Variants in PIP5K1B observed in about 807,000 individuals in gnomAD.
PIP5K1B encodes the protein phosphatidylinositol 4-phosphate 5-kinase type-1 beta.
A neutral mutation model predicts 67.0 loss-of-function variants in PIP5K1B; 42 were observed. That is an observed-to-expected ratio of 0.63 (90% CI 0.49 to 0.81). PIP5K1B has a LOEUF of 0.81. PIP5K1B is among the 30% of genes least tolerant of loss of function. The probability of loss-of-function intolerance (pLI) is 0.00; values close to 1 mark genes in which losing one functional copy is unlikely to be tolerated. For synonymous variants in PIP5K1B, 214 were observed against 231.4 expected (o/e 0.92, Z 0.68); for missense variants, 459 against 646.3 (o/e 0.71, Z 3.14).
At chr9:68,729,391 G>A (rs1446571354) in intron 1 of PIP5K1B, among the ~76,000 whole-genome samples, 4 of 151,956 alleles carry the variant, frequency 2.6e-5, no homozygotes, top group Non-Finnish European at 5.9e-5. Context: ...AGCATATCTT[G>A]GTTCATTTCT....
chr9:68,823,220 TTAGAAG>T (rs1833816084), intron 4 of PIP5K1B, among the ~76,000 whole-genome samples: 1 of 152,174 alleles, frequency 6.6e-6, no homozygotes, highest in Non-Finnish European at 1.5e-5. Flanking sequence ...CATTTTTGCC[TTAGAAG>T]GTGACATATT....
intron 8 of PIP5K1B, among the ~76,000 whole-genome samples, chr9:68,901,313 G>A (rs1019330107): frequency 6.6e-6 from 1 of 152,192 alleles, no homozygotes; most frequent in Non-Finnish European, 1.5e-5. Flanking sequence ...AGGCTATAGT[G>A]TAGTGCATAA....
intron 14 of PIP5K1B, among the ~76,000 whole-genome samples, chr9:68,987,317 A>G (rs1830135342): frequency 6.6e-6 from 1 of 152,090 alleles, no homozygotes; most frequent in Non-Finnish European, 1.5e-5. Context: ...TAATCCCAGC[A>G]CTTTGGGAGG....
intron 2 of PIP5K1B, among the ~76,000 whole-genome samples, chr9:68,754,963 A>G (rs1472647454): frequency 2.0e-5 from 3 of 152,236 alleles, no homozygotes; most frequent in Non-Finnish European, 4.4e-5. Context: ...AATGGCAACT[A>G]TATTTACCTG....
At chr9:68,706,720 T>C (rs1195601078) in intron 1 of PIP5K1B, among the ~76,000 whole-genome samples, 1 of 152,164 alleles carries the variant, frequency 6.6e-6, no homozygotes, top group Non-Finnish European at 1.5e-5. Context: ...GGAATGATCC[T>C]TAAGGGACCG....
chr9:68,805,436 G>A lies in PIP5K1B; in HGVS notation c.-85-13025G>A, dbSNP rs560709240. Among the ~76,000 whole-genome samples the A allele has an allele frequency of 2.0e-4, 30 of 152,356 alleles. No homozygotes were observed. In the East Asian group the frequency reaches 5.0e-3, roughly 25 times the overall value. On this transcript the variant is annotated intron_variant, in intron 2 of 15. Transcript: ENST00000265382. Reference sequence around the variant, plus strand: ...AAAAATAGTCATCACAATGCTGAGTGCAGGGACTGCGTATGGTGTGCCAGG... The same window carrying A: ...AAAAATAGTCATCACAATGCTGAGTACAGGGACTGCGTATGGTGTGCCAGG...
intron 8 of PIP5K1B, among the ~76,000 whole-genome samples, chr9:68,895,866 G>A (rs1159287840): frequency 1.3e-5 from 2 of 152,024 alleles, no homozygotes; most frequent in Admixed American, 1.3e-4. Flanking sequence ...CATTTTAATT[G>A]CTGAAGAATT....
chr9:68,968,467 C>A (rs376720396), intron 14 of PIP5K1B, among the ~76,000 whole-genome samples: 5 of 143,744 alleles, frequency 3.5e-5, no homozygotes, highest in African/African-American at 5.1e-5. Context: ...TGCAGTGAAC[C>A]GTAATCAGCC....
At chr9:68,750,240 GTTTTAA>G (rs1564106953) in intron 2 of PIP5K1B, among the ~76,000 whole-genome samples, 50 of 152,190 alleles carry the variant, frequency 3.3e-4, no homozygotes, top group African/African-American at 1.2e-3. Context: ...AGATGCACAT[GTTTTAA>G]TATTAAACAT....
At chr9:68,860,749 A>C (rs761888716) in intron 4 of PIP5K1B, among the ~76,000 whole-genome samples, 1 of 152,210 alleles carries the variant, frequency 6.6e-6, no homozygotes, top group Non-Finnish European at 1.5e-5. Context: ...AGTTGTTACT[A>C]TGCCTCACGG....
chr9:68,937,170 G>A (rs1564250335), intron 13 of PIP5K1B, among the ~76,000 whole-genome samples: 1 of 152,150 alleles, frequency 6.6e-6, no homozygotes. Flanking sequence ...GTTTGGAATA[G>A]TTTCAGAAGA....
intron 14 of PIP5K1B, chr9:68,963,044 T>G (rs1828830922): frequency 2.7e-6 from 1 of 363,682 alleles, no homozygotes; most frequent in Non-Finnish European, 5.5e-6. Flanking sequence ...ATTGCATCGA[T>G]GAAAGAAACT....
chr9:68,705,604 GCCCGCCGCCCCCTCCGCCCTCCCGCCCCT>G lies in PIP5K1B; in HGVS notation c.-394_-366del, dbSNP rs1827084056. ...CAGCGTTGCCCCCGGCCCCGGCCCC[GCCCGCCGCCCCCTCCGCCCTCCCGCCCCT>G]CCCGCCCCTCCCGCCCCTCGCCTGC... On this transcript the variant is annotated 5_prime_UTR_variant, in exon 1 of 16. Transcript: ENST00000265382. 7.9e-5 allele frequency: 1 copy of G among 12,588 alleles called. No homozygotes were observed. The highest frequency in any genetic ancestry group is 1.9e-4 in the Non-Finnish European group (1 of 5,272). The allele number at this position is 12,588 out of a possible 1,614,324, so 0.8% of individuals were successfully genotyped here.
intron 14 of PIP5K1B, among the ~76,000 whole-genome samples, chr9:68,977,037 CCCATACT>C (rs1829662769): frequency 6.6e-6 from 1 of 152,150 alleles, no homozygotes; most frequent in East Asian, 1.9e-4. Flanking sequence ...TCATGGATGG[CCCATACT>C]GCCATTTTTT....
chr9:68,974,807 A>T (rs1205876068), intron 14 of PIP5K1B, among the ~76,000 whole-genome samples: 1 of 152,116 alleles, frequency 6.6e-6, no homozygotes, highest in African/African-American at 2.4e-5. Context: ...TGCTTTTCTA[A>T]TCTGTTTTCA....
chr9:68,946,869 C>T (rs1023283938), intron 14 of PIP5K1B, among the ~76,000 whole-genome samples: 18 of 152,144 alleles, frequency 1.2e-4, no homozygotes, highest in Admixed American at 7.9e-4. Flanking sequence ...GTTACTTGCT[C>T]GTCATGTGCC....
chr9:69,002,707 G>C (rs1284683548), intron 15 of PIP5K1B, among the ~76,000 whole-genome samples: 4 of 152,138 alleles, frequency 2.6e-5, no homozygotes, highest in African/African-American at 9.7e-5. Context: ...TCTCAACCAG[G>C]CATGGTGGCT....
intron 14 of PIP5K1B, among the ~76,000 whole-genome samples, chr9:68,957,136 C>G (rs888017496): frequency 2.6e-5 from 4 of 151,918 alleles, no homozygotes; most frequent in African/African-American, 9.7e-5. Context: ...CTGGTTTTTG[C>G]TTTTCTTGTT....
chr9:68,891,711 C>T (rs1245726093), intron 7 of PIP5K1B, among the ~76,000 whole-genome samples: 2 of 152,038 alleles, frequency 1.3e-5, no homozygotes, highest in Non-Finnish European at 2.9e-5. Context: ...AATGAGCAAA[C>T]CTTCATTTTG....
Sources: allele counts gnomAD v4.1 joint callset (sites outside exome capture counted in the v4.1 genomes callset), GRCh38; gene constraint gnomAD v4.1.1; transcripts MANE v1.5; gene names NCBI Gene and HGNC (gene_info 2026-07-23, HGNC 2026-07-21).